CFAP61: variants seen among roughly 807,000 people sequenced by gnomAD.
CFAP61 encodes the protein cilia- and flagella-associated protein 61.
A neutral mutation model predicts 135.6 loss-of-function variants in CFAP61; 107 were observed. That is an observed-to-expected ratio of 0.79 (90% CI 0.67 to 0.93). The LOEUF (loss-of-function observed/expected upper bound fraction) is 0.93. Among genes scored for constraint, CFAP61 ranks in the 40% least tolerant of loss-of-function variants. The probability of loss-of-function intolerance (pLI) is 0.00; values close to 1 mark genes in which losing one functional copy is unlikely to be tolerated. For synonymous variants in CFAP61, 575 were observed against 578.5 expected (o/e 0.99, Z 0.09); for missense variants, 1,507 against 1,556.2 (o/e 0.97, Z 0.53).
At chr20:20,303,803 C>A (rs150667956) in intron 25 of CFAP61, among the ~76,000 whole-genome samples, 266 of 152,328 alleles carry the variant, frequency 1.7e-3, no homozygotes, top group Non-Finnish European at 3.3e-3. Flanking sequence ...CCGCTGCTGC[C>A]GGGAGGGCTG....
chr20:20,342,692 G>A (rs1156948856), intron 26 of CFAP61, among the ~76,000 whole-genome samples: 1 of 152,020 alleles, frequency 6.6e-6, no homozygotes. Context: ...GCCCCCACGC[G>A]CCTTATTGGA....
chr20:20,265,650 A>C (rs2052665769), intron 21 of CFAP61: 1 of 639,230 alleles, frequency 1.6e-6, no homozygotes, highest in South Asian at 1.8e-5. Flanking sequence ...TCTGGTGCTT[A>C]ATGACTCCCC....
intron 1 of CFAP61, 114 bp downstream of exon 1, chr20:20,052,705 C>G: frequency 1.2e-6 from 2 of 1,610,878 alleles, no homozygotes; most frequent in South Asian, 2.2e-5. Flanking sequence ...ACGAGTGGCT[C>G]TGTCGAGCCG....
Position 20,322,644 on chromosome 20 carries a change from C to T in CFAP61, c.3423-19187C>T, listed in dbSNP as rs1025123070. 41 of 982,432 alleles carry T rather than the reference C, an allele frequency of 4.2e-5. No individual in the cohort carries two copies. The African/African-American group carries it at 6.6e-4, about 16-fold the overall frequency. 60.9% of individuals were successfully genotyped at this position (982,432 alleles called of 1,614,324 possible). On this transcript the variant is annotated intron_variant, in intron 25 of 26. Transcript: ENST00000245957. ...TGGTATCATTAACTCCCTTCCCTTC[C>T]AGTCCCATGGTGGTCTTCCAGCAGA...
chr20:20,333,719 G>A (rs2058077673), intron 25 of CFAP61, among the ~76,000 whole-genome samples: 1 of 152,206 alleles, frequency 6.6e-6, no homozygotes, highest in African/African-American at 2.4e-5. Context: ...GATCCTTCAG[G>A]TAATTCTTCA....
intron 25 of CFAP61, among the ~76,000 whole-genome samples, chr20:20,308,307 A>G (rs1157838443): frequency 6.6e-6 from 1 of 152,164 alleles, no homozygotes; most frequent in African/African-American, 2.4e-5. Flanking sequence ...CTGCCGATGT[A>G]GCTATCAGAT....
chr20:20,150,579 G>C (rs988678374), intron 9 of CFAP61, among the ~76,000 whole-genome samples: 4 of 152,172 alleles, frequency 2.6e-5, no homozygotes, highest in African/African-American at 9.7e-5. Context: ...CAGCTTCACT[G>C]CTAGCATAAC....
rs1004309124 is a variant in CFAP61 at position 20,359,059 on chromosome 20, C to T, written c.3514-1151C>T. Among the ~76,000 whole-genome samples, 3 of 152,106 alleles carry T rather than the reference C, an allele frequency of 2.0e-5. No individual in the cohort carries two copies. Among genetic ancestry groups the T allele is most frequent in the African/African-American group, 7.2e-5 (3 of 41,406 alleles). On this transcript the variant is annotated intron_variant, in intron 26 of 26. Transcript: ENST00000245957. The surrounding 1 kb of genome is among the most constrained non-coding windows in gnomAD (Gnocchi z 4.0). ...ATATAGCAGATGTTAACTGTGGAGT[C>T]CAGGTGCAGGTGTGCAGGTGTTCAG...
intron 21 of CFAP61, among the ~76,000 whole-genome samples, chr20:20,273,232 C>G (rs1428072913): frequency 6.6e-6 from 1 of 152,052 alleles, no homozygotes; most frequent in Non-Finnish European, 1.5e-5. Flanking sequence ...TTTCCCTGAG[C>G]TTAAATGCCA....
chr20:20,157,942 T>C (rs2053072598), intron 9 of CFAP61, among the ~76,000 whole-genome samples: 1 of 152,146 alleles, frequency 6.6e-6, no homozygotes, highest in Admixed American at 6.6e-5. Flanking sequence ...GTAAAAAAGC[T>C]AATTAAAAAT....
chr20:20,199,859 A>C lies in CFAP61; in HGVS notation c.1889A>C (p.Lys630Thr). ...CGACAGATTGTCTATCCTCTGGAAA[A>C]GCTTGGCATAAACGCTCCATCAAAG... is the stretch of plus-strand genomic sequence containing the variant. ...PRRQIVYPLE[K>T]LGINAPSKAV... The change falls in exon 17 of 27, where the codon AAG becomes ACG. Residue 630 changes from lysine (K) to threonine (T), a missense_variant. Lys to Thr is a moderately conservative substitution (Grantham distance 78). Coordinates refer to ENST00000245957, the MANE Select transcript of CFAP61 (RefSeq NM_015585.4). The C allele has an allele frequency of 6.2e-7, 1 of 1,614,130 alleles. No homozygotes were observed. The highest frequency in any genetic ancestry group is 8.5e-7 in the Non-Finnish European group (1 of 1,180,026).
At chr20:20,247,460 C>T (rs907205658) in intron 19 of CFAP61, among the ~76,000 whole-genome samples, 1 of 152,240 alleles carries the variant, frequency 6.6e-6, no homozygotes, top group African/African-American at 2.4e-5. Flanking sequence ...GCAGCCAGAG[C>T]AAGGCTGCGG....
intron 26 of CFAP61, among the ~76,000 whole-genome samples, chr20:20,358,583 A>C (rs184116397): frequency 2.6e-5 from 4 of 152,318 alleles, no homozygotes; most frequent in Admixed American, 1.3e-4. Context: ...TGGCACCCAA[A>C]GTTTTCAGAA....
chr20:20,067,949 G>A (rs2045422497), intron 2 of CFAP61, among the ~76,000 whole-genome samples: 1 of 151,722 alleles, frequency 6.6e-6, no homozygotes, highest in Non-Finnish European at 1.5e-5. Context: ...TTTACAGTCA[G>A]CTATTTGTAA....
At chr20:20,100,329 C>T (rs866411381) in intron 8 of CFAP61, among the ~76,000 whole-genome samples, 5 of 152,126 alleles carry the variant, frequency 3.3e-5, no homozygotes, top group South Asian at 2.1e-4. Flanking sequence ...TGCGCCACCA[C>T]GCCCAGCTAA....
chr20:20,088,827 G>A (rs742699), intron 6 of CFAP61, among the ~76,000 whole-genome samples: 7,128 of 152,182 alleles, frequency 0.047, 551 homozygotes, highest in African/African-American at 0.16. Flanking sequence ...TTTCAACTGT[G>A]TAGTTCTTCC....
intron 22 of CFAP61, among the ~76,000 whole-genome samples, chr20:20,284,500 T>C (rs1407407207): frequency 6.6e-6 from 1 of 152,128 alleles, no homozygotes; most frequent in African/African-American, 2.4e-5. Context: ...TTATCCAGGA[T>C]GGTCTCGATC....
chr20:20,256,183 A>C (rs1246888272), intron 20 of CFAP61, among the ~76,000 whole-genome samples: 1 of 152,222 alleles, frequency 6.6e-6, no homozygotes, highest in Non-Finnish European at 1.5e-5. Context: ...ACACAGAATA[A>C]AAGAATTGCT....
At chr20:20,318,963 C>T (rs765781337) in intron 25 of CFAP61, among the ~76,000 whole-genome samples, 13 of 152,220 alleles carry the variant, frequency 8.5e-5, no homozygotes, top group Admixed American at 2.0e-4. Context: ...ACATCTGGCT[C>T]CCAAGAGGCC....
Sources: gnomAD v4.1 joint callset for allele counts (sites outside exome capture counted in the v4.1 genomes callset) on GRCh38, gnomAD v4.1.1 for gene constraint, Gnocchi (gnomAD v3.1) non-coding constraint, MANE v1.5 for transcripts, NCBI Gene and HGNC (gene_info 2026-07-23, HGNC 2026-07-21) for gene names.